Variants in CMIP observed in about 807,000 individuals in gnomAD.
CMIP encodes the protein C-Maf-inducing protein.
Under a neutral mutation model 97.3 loss-of-function variants are expected in CMIP, and 13 were observed. That is an observed-to-expected ratio of 0.13 (90% CI 0.09 to 0.21). The LOEUF (loss-of-function observed/expected upper bound fraction) is 0.21, where lower values mean the gene tolerates loss of function less well. Among genes scored for constraint, CMIP ranks in the 10% least tolerant of loss-of-function variants. CMIP has a pLI of 1.00. For missense variants in CMIP, 847 were observed against 1,024.9 expected (o/e 0.83, Z 2.37); for synonymous variants, 538 against 436.3 (o/e 1.23, Z -2.91).
chr16:81,545,251 T>C (rs1246629322), intron 1 of CMIP, among the ~76,000 whole-genome samples: 2 of 152,218 alleles, frequency 1.3e-5, no homozygotes, highest in African/African-American at 4.8e-5. Context: ...TTTGATTTAA[T>C]GCATTCGTTA....
chr16:81,532,746 C>T (rs966678515), intron 1 of CMIP, among the ~76,000 whole-genome samples: 2 of 152,158 alleles, frequency 1.3e-5, no homozygotes, highest in Non-Finnish European at 1.5e-5. Flanking sequence ...GGGTGTGACT[C>T]CCTGGGATGC....
At chr16:81,583,147 G>C (rs1456326474) in intron 1 of CMIP, among the ~76,000 whole-genome samples, 1 of 152,268 alleles carries the variant, frequency 6.6e-6, no homozygotes, top group Non-Finnish European at 1.5e-5. Context: ...TGATCAGGCA[G>C]TGAAAGAAGG....
At chr16:81,447,459 G>T (rs941377414) in intron 1 of CMIP, among the ~76,000 whole-genome samples, 2 of 152,078 alleles carry the variant, frequency 1.3e-5, no homozygotes, top group African/African-American at 4.8e-5. Context: ...TGCTCAGGAG[G>T]TATATCTGAG....
chr16:81,694,844 C>T (rs2151085609), intron 13 of CMIP, among the ~76,000 whole-genome samples: 1 of 152,338 alleles, frequency 6.6e-6, no homozygotes, highest in African/African-American at 2.4e-5. Context: ...ACACCGATTT[C>T]CCTAAGTGTT....
chr16:81,599,374 C>G (rs528219526), intron 1 of CMIP, among the ~76,000 whole-genome samples: 4 of 152,340 alleles, frequency 2.6e-5, no homozygotes, highest in African/African-American at 9.6e-5. Flanking sequence ...TGCTGTATGA[C>G]TTTCCGTTTG....
At chr16:81,527,315 C>T (rs752439826) in intron 1 of CMIP, among the ~76,000 whole-genome samples, 4 of 151,974 alleles carry the variant, frequency 2.6e-5, no homozygotes, top group African/African-American at 9.7e-5. Context: ...TATCATTTAT[C>T]GTCAGTAATA....
At chr16:81,597,420 C>T (rs891074619) in intron 1 of CMIP, among the ~76,000 whole-genome samples, 1 of 152,168 alleles carries the variant, frequency 6.6e-6, no homozygotes, top group African/African-American at 2.4e-5. Context: ...GGTTTTCTTC[C>T]CAGCTCTCTC....
chr16:81,500,064 C>A (rs1390829170), intron 1 of CMIP, among the ~76,000 whole-genome samples: 11 of 152,206 alleles, frequency 7.2e-5, no homozygotes, highest in African/African-American at 2.7e-4. Flanking sequence ...AATCGGCCTT[C>A]TTCAGCCACT....
intron 1 of CMIP, among the ~76,000 whole-genome samples, chr16:81,461,360 A>T (rs1906886851): frequency 1.3e-5 from 2 of 152,292 alleles, no homozygotes; most frequent in South Asian, 4.1e-4. Context: ...CCATAGTTGG[A>T]AGAGAACTTG....
At chr16:81,581,659 A>C (rs1359174184) in intron 1 of CMIP, among the ~76,000 whole-genome samples, 1 of 152,136 alleles carries the variant, frequency 6.6e-6, no homozygotes, top group East Asian at 1.9e-4. Context: ...GGAATAGCCG[A>C]GCTTGGCATT....
chr16:81,469,363 C>G (rs1341947686), intron 1 of CMIP, among the ~76,000 whole-genome samples: 2 of 152,230 alleles, frequency 1.3e-5, no homozygotes, highest in East Asian at 3.8e-4. Context: ...CCTCTCTGAG[C>G]TTTTGTTTTT....
At chr16:81,650,850 A>G (rs1339083389) in intron 3 of CMIP, among the ~76,000 whole-genome samples, 1 of 152,180 alleles carries the variant, frequency 6.6e-6, no homozygotes, top group Non-Finnish European at 1.5e-5. Context: ...AAAGTTTTCT[A>G]GGAAGAACCA....
chr16:81,499,210 A>C (rs751647482), intron 1 of CMIP, among the ~76,000 whole-genome samples: 2 of 152,082 alleles, frequency 1.3e-5, no homozygotes, highest in Non-Finnish European at 2.9e-5. Context: ...AACGTGTCCC[A>C]GCATGGCCAC....
intron 1 of CMIP, among the ~76,000 whole-genome samples, chr16:81,584,173 C>T (rs1328111492): frequency 2.6e-5 from 4 of 152,112 alleles, no homozygotes; most frequent in African/African-American, 4.8e-5. Flanking sequence ...CGGCCCCTAG[C>T]GCCCACCAGC....
At chr16:81,663,189 G>A (rs1390494324) in intron 6 of CMIP, among the ~76,000 whole-genome samples, 3 of 151,436 alleles carry the variant, frequency 2.0e-5, no homozygotes, top group South Asian at 2.1e-4. Flanking sequence ...TCTACATGCC[G>A]ACGTTACAGC....
At chr16:81,667,797 A>T (rs57220601) in intron 7 of CMIP, among the ~76,000 whole-genome samples, 6,361 of 64,236 alleles carry the variant, frequency 0.099, 152 homozygotes, top group East Asian at 0.19. Context: ...AGAGAGAGAG[A>T]GAGTGTGTGT....
chr16:81,680,669 C>T (rs1435316540), intron 10 of CMIP, among the ~76,000 whole-genome samples: 2 of 152,240 alleles, frequency 1.3e-5, no homozygotes, highest in African/African-American at 2.4e-5. Flanking sequence ...TCCAAGAATA[C>T]GTCACAGCCC....
intron 9 of CMIP, among the ~76,000 whole-genome samples, chr16:81,676,361 G>A (rs990735710): frequency 3.9e-5 from 6 of 151,902 alleles, no homozygotes; most frequent in South Asian, 2.1e-4. Context: ...CCTCCAGGCC[G>A]TCCCCAGTGC....
At chr16:81,577,734 C>T (rs1029228260) in intron 1 of CMIP, among the ~76,000 whole-genome samples, 8 of 149,890 alleles carry the variant, frequency 5.3e-5, no homozygotes, top group East Asian at 2.0e-4. Context: ...TCATCATCAC[C>T]GTCATCCCCA....
Sources: gnomAD v4.1 joint callset for allele counts (sites outside exome capture counted in the v4.1 genomes callset) on GRCh38, gnomAD v4.1.1 for gene constraint, MANE v1.5 for transcripts, NCBI Gene and HGNC (gene_info 2026-07-23, HGNC 2026-07-21) for gene names.